ZNF407: variants seen among roughly 807,000 people sequenced by gnomAD.
The protein encoded by ZNF407 is zinc finger protein 407.
ZNF407 carries 17 observed loss-of-function variants against 131.2 expected under a neutral mutation model. The observed-to-expected ratio is 0.13, with a 90% CI of 0.09 to 0.19. ZNF407 has a LOEUF of 0.19. Among genes scored for constraint, ZNF407 ranks in the 10% least tolerant of loss-of-function variants. The pLI is 1.00. For synonymous variants in ZNF407, 1,156 were observed against 1,062.0 expected, an observed-to-expected ratio of 1.09 and a Z score of -1.72; for missense variants, 2,681 against 2,830.6, an observed-to-expected ratio of 0.95 and a Z score of 1.20.
intron 1 of ZNF407, chr18:74,598,159 C>T (rs1231191097): frequency 6.6e-6 from 1 of 151,954 alleles, no homozygotes; most frequent in Non-Finnish European, 1.5e-5. Flanking sequence ...GGACACACAC[C>T]CTCGCTCGTT....
chr18:75,064,018 G>A lies in ZNF407; in HGVS notation c.6297G>A (p.Lys2099=). The change falls in exon 9 of 9, where the codon AAG becomes AAA. Residue 2099 remains lysine, a synonymous_variant. Coordinates refer to ENST00000299687, the MANE Select transcript of ZNF407 (RefSeq NM_017757.3). Reference sequence around the variant, plus strand: ...CGGCCGCGGCCGGCCAGTTGGTCAAGGACGGTGTCACCCAGGTGGTGGTGA... The same window carrying A: ...CGGCCGCGGCCGGCCAGTTGGTCAAAGACGGTGTCACCCAGGTGGTGGTGA... ...CDTAAAGQLV[K]DGVTQVVVSE... is the part of the protein sequence containing the mutation. 1 of 1,607,036 alleles carries A rather than the reference G, an allele frequency of 6.2e-7. No homozygotes were observed. The highest frequency in any genetic ancestry group is 8.5e-7 in the Non-Finnish European group (1 of 1,177,150).
chr18:74,795,269 C>T (rs1179932719), intron 4 of ZNF407, among the ~76,000 whole-genome samples: 1 of 152,100 alleles, frequency 6.6e-6, no homozygotes, highest in Admixed American at 6.5e-5. Context: ...GCATATATAG[C>T]ATAGTTTATC....
intron 3 of ZNF407, among the ~76,000 whole-genome samples, chr18:74,727,388 G>T (rs1224189646): frequency 6.6e-6 from 1 of 152,106 alleles, no homozygotes; most frequent in African/African-American, 2.4e-5. Context: ...ACTCATCCAG[G>T]TCCCTCATCC....
At chr18:75,039,089 A>G (rs902539802) in intron 8 of ZNF407, among the ~76,000 whole-genome samples, 16 of 152,224 alleles carry the variant, frequency 1.1e-4, no homozygotes, top group African/African-American at 3.9e-4. Context: ...ACAAAAGAAG[A>G]AGCAGTGAAT....
chr18:74,713,777 G>A (rs1046078284), intron 3 of ZNF407, among the ~76,000 whole-genome samples: 2 of 152,050 alleles, frequency 1.3e-5, no homozygotes, highest in African/African-American at 4.8e-5. Context: ...TTGGGTATTT[G>A]ACAGTGATGC....
intron 4 of ZNF407, among the ~76,000 whole-genome samples, chr18:74,870,599 T>C (rs906398193): frequency 1.3e-5 from 2 of 152,200 alleles, no homozygotes; most frequent in Admixed American, 6.5e-5. Flanking sequence ...GATCTAGATA[T>C]TAGTATTATC....
intron 7 of ZNF407, among the ~76,000 whole-genome samples, chr18:74,904,617 T>G (rs1971571432): frequency 6.6e-6 from 1 of 152,226 alleles, no homozygotes; most frequent in Non-Finnish European, 1.5e-5. Flanking sequence ...CATTTCTTCC[T>G]TGTGATGTTC....
At chr18:74,680,865 C>T (rs988286335) in intron 3 of ZNF407, among the ~76,000 whole-genome samples, 35 of 151,972 alleles carry the variant, frequency 2.3e-4, no homozygotes, top group Admixed American at 3.9e-4. Flanking sequence ...AAAATAGAAA[C>T]GTGGGTTTTC....
chr18:74,798,045 T>C (rs1426395126), intron 4 of ZNF407, among the ~76,000 whole-genome samples: 1 of 152,136 alleles, frequency 6.6e-6, no homozygotes, highest in Non-Finnish European at 1.5e-5. Context: ...CAAACGCATT[T>C]AAATTTTTTT....
chr18:74,648,881 T>C (rs1447147922), intron 3 of ZNF407, among the ~76,000 whole-genome samples: 1 of 152,238 alleles, frequency 6.6e-6, no homozygotes, highest in Non-Finnish European at 1.5e-5. Context: ...TGTAGTAATC[T>C]ACTTACTTTC....
At position 74,889,906 on chromosome 18, in the gene ZNF407, G is replaced by T; in HGVS notation, c.5129-12G>T. ...TTATTATTCATCTGTAACATTTCTT[G>T]ATATATTACAGGAGAAAAACCTTTC... On this transcript the variant is annotated splice_polypyrimidine_tract_variant and intron_variant, in intron 6 of 8. Coordinates refer to ENST00000299687, the MANE Select transcript of ZNF407 (RefSeq NM_017757.3). 1 of 1,599,478 alleles carries T rather than the reference G, an allele frequency of 6.3e-7. No individual in the cohort carries two copies. The highest frequency in any genetic ancestry group is 1.1e-5 in the South Asian group (1 of 88,150).
chr18:74,948,521 T>A (rs1263286891), intron 8 of ZNF407, among the ~76,000 whole-genome samples: 1 of 152,216 alleles, frequency 6.6e-6, no homozygotes, highest in African/African-American at 2.4e-5. Flanking sequence ...TGAGTCTAGT[T>A]CTGAATTCTA....
rs142651287 is a variant in ZNF407 at position 74,868,873 on chromosome 18, G to A, written c.4878-8324G>A. Among the ~76,000 whole-genome samples, 8 of 152,284 alleles carry A rather than the reference G, an allele frequency of 5.3e-5. No individual in the cohort carries two copies. In the East Asian group the frequency reaches 1.5e-3, roughly 29 times the overall value. ...TCATTATTTCAGTGACATTAGTGTT[G>A]ACCATTGAATCATAGGATCCTTTTG... is the stretch of plus-strand genomic sequence containing the variant. On this transcript the variant is annotated intron_variant, in intron 4 of 8. Transcript: ENST00000299687.
At chr18:74,779,157 C>A (rs1969546118) in intron 3 of ZNF407, among the ~76,000 whole-genome samples, 1 of 119,972 alleles carries the variant, frequency 8.3e-6, no homozygotes, top group Non-Finnish European at 1.6e-5. Context: ...GCTCTGTCGT[C>A]CAGGCTGGAG....
intron 1 of ZNF407, among the ~76,000 whole-genome samples, chr18:74,621,514 C>G (rs1174976054): frequency 1.3e-5 from 2 of 152,034 alleles, no homozygotes; most frequent in Admixed American, 1.3e-4. Context: ...GCAGCAGCCC[C>G]CAGCTCCTCA....
At chr18:74,772,741 T>G (rs1442002141) in intron 3 of ZNF407, among the ~76,000 whole-genome samples, 1 of 152,186 alleles carries the variant, frequency 6.6e-6, no homozygotes, top group African/African-American at 2.4e-5. Flanking sequence ...AACAGGTTTT[T>G]GAGCTGAGGC....
Position 74,724,153 on chromosome 18 carries a change from C to T in ZNF407, c.4803-57275C>T, listed in dbSNP as rs190241463. On this transcript the variant is annotated intron_variant, in intron 3 of 8. Coordinates refer to ENST00000299687, the MANE Select transcript of ZNF407 (RefSeq NM_017757.3). ...TTTATATAATTCTTTTGGTATTAGACAACTGAATGTATTGTACATAAAATT... is the reference window on the plus strand; with the variant it reads ...TTTATATAATTCTTTTGGTATTAGATAACTGAATGTATTGTACATAAAATT... Among the ~76,000 whole-genome samples the T allele has an allele frequency of 1.4e-4, 22 of 152,104 alleles. No homozygotes were observed. In the East Asian group the frequency reaches 4.1e-3, roughly 28 times the overall value.
intron 4 of ZNF407, among the ~76,000 whole-genome samples, chr18:74,866,274 G>A (rs186453946): frequency 7.2e-5 from 11 of 152,260 alleles, no homozygotes; most frequent in African/African-American, 2.4e-4. Flanking sequence ...TGTAACTGCG[G>A]CTCTTTGGAC....
intron 1 of ZNF407, chr18:74,598,157 AC>A (rs1461041690): frequency 1.4e-5 from 2 of 141,254 alleles, no homozygotes; most frequent in Non-Finnish European, 3.1e-5. Context: ...CCGGACACAC[AC>A]CCTCGCTCGT....
Sources: gnomAD v4.1 joint callset for allele counts (sites outside exome capture counted in the v4.1 genomes callset) on GRCh38, gnomAD v4.1.1 for gene constraint, MANE v1.5 for transcripts, NCBI Gene and HGNC (gene_info 2026-07-23, HGNC 2026-07-21) for gene names.